The following RET variants were observed in gnomAD, a reference collection of about 807,000 sequenced individuals.
The protein encoded by RET is proto-oncogene tyrosine-protein kinase receptor Ret.
A neutral mutation model predicts 118.3 loss-of-function variants in RET; 19 were observed. The observed-to-expected ratio is 0.16, with a 90% confidence interval of 0.11 to 0.24. The LOEUF is 0.24. RET is among the 10% of genes least tolerant of loss of function. The pLI is 1.00. For missense variants in RET, 1,219 were observed against 1,502.1 expected (o/e 0.81, Z 3.12); for synonymous variants, 597 against 644.1 (o/e 0.93, Z 1.11).
At chr10:43,089,748 G>A (rs560408304) in intron 1 of RET, among the ~76,000 whole-genome samples, 18 of 152,348 alleles carry the variant, frequency 1.2e-4, no homozygotes, top group Non-Finnish European at 2.4e-4. Context: ...GCCGGCCATC[G>A]GGGCCCTCCT....
rs375963128 is a variant in RET at position 43,121,957 on chromosome 10, A to C, written c.2742A>C (p.Pro914=). 6.2e-7 allele frequency: 1 copy of C among 1,612,944 alleles called. No individual in the cohort carries two copies. The highest frequency in any genetic ancestry group is 8.5e-7 in the Non-Finnish European group (1 of 1,178,866). Residue 914 remains proline, a synonymous_variant, in exon 16 of 20, where the codon CCA becomes CCC. Coordinates refer to ENST00000355710, the MANE Select transcript of RET (RefSeq NM_020975.6). ...SYVKRSQGRI[P]VKWMAIESLF... is the part of the protein sequence containing the mutation. ...CATCTTCTCTTTAGGGTCGGATTCC[A>C]GTTAAATGGATGGCAATTGAATCCC...
intron 6 of RET, among the ~76,000 whole-genome samples, chr10:43,110,540 C>T (rs950061618): frequency 1.3e-5 from 2 of 152,194 alleles, no homozygotes; most frequent in East Asian, 3.9e-4. Context: ...ACTCCAGGTC[C>T]TGGCATCCCC....
chr10:43,129,946 A>G lies in RET; in HGVS notation c.*1677A>G. The G allele has an allele frequency of 2.5e-6, 1 of 399,044 alleles. No individual in the cohort carries two copies. The highest frequency in any genetic ancestry group is 2.1e-5 in the African/African-American group (1 of 48,752). 24.7% of individuals were successfully genotyped at this position (399,044 alleles called of 1,614,324 possible). On this transcript the variant is annotated 3_prime_UTR_variant, in exon 20 of 20. Transcript: ENST00000355710. ...ATATGCTTAATGATAGTCTTACTAA[A>G]TGCAGAAATAAGAATAAACTTTCTC... is the stretch of plus-strand genomic sequence containing the variant.
intron 1 of RET, among the ~76,000 whole-genome samples, chr10:43,097,228 G>C (rs1463190933): frequency 6.6e-6 from 1 of 152,126 alleles, no homozygotes; most frequent in African/African-American, 2.4e-5. Context: ...GCACATCATG[G>C]AGGCCCCAGA....
intron 19 of RET, chr10:43,126,959 A>C (rs1838349501): frequency 6.4e-6 from 9 of 1,412,074 alleles, no homozygotes; most frequent in South Asian, 1.5e-5. Flanking sequence ...CCAGCAACTT[A>C]GGATGGTAGA....
chr10:43,103,768 TG>T (rs1003590490), intron 3 of RET, among the ~76,000 whole-genome samples: 1 of 152,178 alleles, frequency 6.6e-6, no homozygotes, highest in African/African-American at 2.4e-5. Flanking sequence ...TTTAGTTTAG[TG>T]GGGGGTTTTT....
chr10:43,105,205 C>CG lies in RET; in HGVS notation c.867+13dup. ...TCAAGCGGAAGGAGGTGCTTGTCCG[C>CG]GCGTGCTGTGGTCTACCCAGTGTCT... is the stretch of plus-strand genomic sequence containing the variant. On this transcript the variant is annotated intron_variant, in intron 4 of 19. Coordinates refer to ENST00000355710, the MANE Select transcript of RET (RefSeq NM_020975.6). 6.2e-7 allele frequency: 1 copy of CG among 1,612,572 alleles called. No homozygotes were observed. The highest frequency in any genetic ancestry group is 8.5e-7 in the Non-Finnish European group (1 of 1,179,890).
intron 19 of RET, 27 bp from the exon 20 acceptor site, chr10:43,128,085 G>C (rs1409856678): frequency 6.2e-7 from 1 of 1,613,814 alleles, no homozygotes; most frequent in Non-Finnish European, 8.5e-7. Context: ...CTTCAGTGCA[G>C]AACAAATGAT....
At chr10:43,121,421 G>A (rs1017461648) in intron 15 of RET, among the ~76,000 whole-genome samples, 43 of 152,154 alleles carry the variant, frequency 2.8e-4, no homozygotes, top group Admixed American at 9.2e-4. Flanking sequence ...ACTGATGAGG[G>A]ATGTAGGGGG....
At chr10:43,087,185 C>T (rs939026047) in intron 1 of RET, among the ~76,000 whole-genome samples, 2 of 152,208 alleles carry the variant, frequency 1.3e-5, no homozygotes, top group African/African-American at 4.8e-5. Flanking sequence ...TTCGTGCGTG[C>T]AGGGATCGTG....
At chr10:43,126,843 C>G in intron 19 of RET, 121 bp downstream of exon 19, 2 of 1,489,346 alleles carry the variant, frequency 1.3e-6, no homozygotes, top group Middle Eastern at 1.8e-4. Flanking sequence ...CTGCTCTGAA[C>G]CTTTTTATTT....
In RET at chr10:43,116,680, C is replaced by G. The variant is rs2132907458; in HGVS notation, c.2233C>G (p.His745Asp). 1 of 1,614,174 alleles carries G rather than the reference C, an allele frequency of 6.2e-7. No individual in the cohort carries two copies. The change falls in exon 12 of 20, where the codon CAT becomes GAT. Residue 745 changes from histidine to aspartate, a missense_variant. Physicochemically the swap from His to Asp is moderately conservative, Grantham distance 81 (BLOSUM62 -1). This residue lies in a region of RET where 850 missense variants were observed against 969.6 expected (regional missense o/e 0.88). Transcript: ENST00000355710. ...FGKVVKATAF[H>D]LKGRAGYTTV... ...AAAAGTGGTCAAGGCAACGGCCTTC[C>G]ATCTGAAAGGCAGAGCAGGGTACAC...
chr10:43,112,666 C>G (rs7358114), intron 8 of RET, among the ~76,000 whole-genome samples, 187 bp from the exon 9 acceptor site: 2 of 152,326 alleles, frequency 1.3e-5, no homozygotes, highest in African/African-American at 4.8e-5. Flanking sequence ...TGAGGAACCC[C>G]CCATACCTCC....
rs993057046 is a variant in RET at position 43,126,586 on chromosome 10, C to T, written c.3051C>T (p.Asp1017=). 1 of 1,614,016 alleles carries T rather than the reference C, an allele frequency of 6.2e-7. No homozygotes were observed. The highest frequency in any genetic ancestry group is 2.2e-5 in the East Asian group (1 of 44,884). ...TCTCTGTCTTCCAGGACTACTTGGACCTTGCGGCGTCCACTCCATCTGACT... is the reference window on the plus strand; with the variant it reads ...TCTCTGTCTTCCAGGACTACTTGGATCTTGCGGCGTCCACTCCATCTGACT... The part of the protein sequence containing the change: ...KMMVKRRDYL[D]LAASTPSDSL... The change falls in exon 19 of 20, where the codon GAC becomes GAT. Residue 1017 remains aspartate (D), a synonymous_variant. Coordinates refer to ENST00000355710, the MANE Select transcript of RET (RefSeq NM_020975.6).
chr10:43,105,175 G>A lies in RET; in HGVS notation c.849G>A (p.Val283=), dbSNP rs1588866305. 6.2e-7 allele frequency: 1 copy of A among 1,612,950 alleles called. No homozygotes were observed. Among genetic ancestry groups the A allele is most frequent in the Non-Finnish European group, 8.5e-7 (1 of 1,179,888 alleles). The change falls in exon 4 of 20, where the codon GTG becomes GTA. Residue 283 remains valine, a synonymous_variant. Coordinates refer to ENST00000355710, the MANE Select transcript of RET (RefSeq NM_020975.6). Reference sequence around the variant, plus strand: ...GCGTCGACACCGCCAGCGCCGTGGTGGAGTTCAAGCGGAAGGAGGTGCTTG... The same window carrying A: ...GCGTCGACACCGCCAGCGCCGTGGTAGAGTTCAAGCGGAAGGAGGTGCTTG... The part of the protein sequence containing the change: ...PAGVDTASAV[V]EFKRKEDTVV...
rs569823227 is a variant in RET, at chr10:43,125,142, G to C, written c.3039+160G>C. ...TGCTCTCCCCTGCATGCAGACAGCA[G>C]ATTGAACCCTTCTCAGGCCAGGCCG... On this transcript the variant is annotated intron_variant, in intron 18 of 19. Coordinates refer to ENST00000355710, the MANE Select transcript of RET (RefSeq NM_020975.6). Among the ~76,000 whole-genome samples, 3 of 152,336 alleles carry C rather than the reference G, an allele frequency of 2.0e-5. No homozygotes were observed. In the South Asian group the frequency reaches 6.2e-4, roughly 32 times the overall value.
rs535080963 is a variant in RET, at chr10:43,129,758, G to T, written c.*1489G>T. ...TTTTGTGAGGCCAAGGCTTGGATGC[G>T]TGTGTAATAGAGCCTTGTGGTGTGT... On this transcript the variant is annotated 3_prime_UTR_variant, in exon 20 of 20. Transcript: ENST00000355710. 5.1e-6 allele frequency: 2 copies of T among 390,438 alleles called. No individual in the cohort carries two copies. The highest frequency in any genetic ancestry group is 8.9e-5 in the Admixed American group (2 of 22,466). 24.2% of individuals were successfully genotyped at this position (390,438 alleles called of 1,614,324 possible).
At chr10:43,096,374 T>G (rs1837523118) in intron 1 of RET, among the ~76,000 whole-genome samples, 1 of 152,240 alleles carries the variant, frequency 6.6e-6, no homozygotes, top group South Asian at 2.1e-4. Context: ...CTTTCTTAGC[T>G]GTTATCCTAA....
chr10:43,118,587 T>A lies in RET; in HGVS notation c.2392+107T>A, dbSNP rs2132934087. Reference sequence around the variant, plus strand: ...CCTTTCCCTACTGCTCCTGCCCTGTTTCCTGTTCTCCCTCTTTCTGGAAGC... The same window carrying A: ...CCTTTCCCTACTGCTCCTGCCCTGTATCCTGTTCTCCCTCTTTCTGGAAGC... On this transcript the variant is annotated intron_variant, in intron 13 of 19. Coordinates refer to ENST00000355710, the MANE Select transcript of RET (RefSeq NM_020975.6). The A allele has an allele frequency of 1.4e-5, 12 of 858,770 alleles. No homozygotes were observed. The South Asian group carries it at 1.6e-4, about 11-fold the overall frequency. 53.2% of individuals were successfully genotyped at this position (858,770 alleles called of 1,614,324 possible).
Sources: gnomAD v4.1 joint callset for allele counts (sites outside exome capture counted in the v4.1 genomes callset) on GRCh38, gnomAD v4.1.1 for gene constraint, gnomAD v4.1.1 regional missense constraint, MANE v1.5 for transcripts, NCBI Gene and HGNC (gene_info 2026-07-23, HGNC 2026-07-21) for gene names.